VPS53: variants seen among roughly 807,000 people sequenced by gnomAD.
The protein encoded by VPS53 is VPS53 subunit of GARP complex, also known as vacuolar protein sorting-associated protein 53 homolog.
In VPS53, 70 loss-of-function variants were observed where a neutral mutation model predicts 107.0. The ratio of observed to expected loss-of-function variants is 0.65; its 90% CI spans 0.54 to 0.80. The LOEUF is 0.80. Among genes scored for constraint, VPS53 ranks in the 30% least tolerant of loss-of-function variants. The pLI, the probability that VPS53 is intolerant of heterozygous loss-of-function variation, is 0.00. For synonymous variants in VPS53, 409 were observed against 393.3 expected, an observed-to-expected ratio of 1.04 and a Z score of -0.47; for missense variants, 917 against 1,049.4, an observed-to-expected ratio of 0.87 and a Z score of 1.74.
intron 2 of VPS53, among the ~76,000 whole-genome samples, chr17:700,227 T>C (rs1973146370): frequency 6.6e-6 from 1 of 152,180 alleles, no homozygotes; most frequent in African/African-American, 2.4e-5. Flanking sequence ...CGTATTGCAA[T>C]ATGAAAAGAA....
intron 4 of VPS53, among the ~76,000 whole-genome samples, chr17:672,109 GACACACACACACACACACACACAC>G (rs10630363): frequency 1.8e-5 from 2 of 108,824 alleles, no homozygotes; most frequent in Admixed American, 1.1e-4. Context: ...TGATGAGGGT[GACACACACACACACACACACACAC>G]ACACACACAC....
intron 7 of VPS53, among the ~76,000 whole-genome samples, chr17:633,928 CT>C (rs1289169536): frequency 2.0e-5 from 3 of 152,250 alleles, no homozygotes; most frequent in African/African-American, 4.8e-5. Context: ...CAGGCCCCCC[CT>C]GTTCCTACCC....
At chr17:642,935 T>C (rs1392567734) in intron 7 of VPS53, among the ~76,000 whole-genome samples, 1 of 115,850 alleles carries the variant, frequency 8.6e-6, no homozygotes, top group African/African-American at 2.9e-5. Context: ...AGGACAACAC[T>C]CATACTTGGC....
Position 515,041 on chromosome 17 carries a change from G to GT in VPS53, c.*4086dup, listed in dbSNP as rs1483705683. ...GCCAGCTTTCAGACAAGTCCCCTCAGTAAGAGCAGAGTGAACTCTTTATTG... is the reference window on the plus strand; with the variant it reads ...GCCAGCTTTCAGACAAGTCCCCTCAGTTAAGAGCAGAGTGAACTCTTTATTG... On this transcript the variant is annotated 3_prime_UTR_variant, in exon 22 of 22. Transcript: ENST00000437048. 6.6e-6 allele frequency: 1 copy of GT among 152,184 alleles called. No homozygotes were observed. Among genetic ancestry groups the GT allele is most frequent in the Non-Finnish European group, 1.5e-5 (1 of 68,046 alleles). 9.4% of individuals were successfully genotyped at this position (152,184 alleles called of 1,614,324 possible).
intron 17 of VPS53, among the ~76,000 whole-genome samples, chr17:543,329 A>G (rs994653803): frequency 7.9e-5 from 12 of 152,236 alleles, no homozygotes; most frequent in African/African-American, 2.9e-4. Flanking sequence ...TTGGGGGATT[A>G]TAACGCAGCC....
chr17:557,855 C>CTTTTT (rs773408955), intron 15 of VPS53, among the ~76,000 whole-genome samples: 1 of 125,624 alleles, frequency 8.0e-6, no homozygotes, highest in Non-Finnish European at 1.7e-5. Context: ...TAAGGATTAT[C>CTTTTT]TTTTTTTTTT....
chr17:592,250 T>C (rs1967704451), intron 12 of VPS53, among the ~76,000 whole-genome samples: 1 of 152,224 alleles, frequency 6.6e-6, no homozygotes, highest in Non-Finnish European at 1.5e-5. Flanking sequence ...TGGTAGATCT[T>C]CCTCCATCCT....
intron 11 of VPS53, among the ~76,000 whole-genome samples, chr17:612,985 CAT>C (rs1428516924): frequency 6.8e-6 from 1 of 147,792 alleles, no homozygotes; most frequent in Non-Finnish European, 1.5e-5. Flanking sequence ...CAAATATTCA[CAT>C]AGTGAGTTCA....
At chr17:533,026 AG>A in intron 18 of VPS53, 115 bp from the exon 19 acceptor site, 2 of 1,472,878 alleles carry the variant, frequency 1.4e-6, no homozygotes, top group South Asian at 2.7e-5. Flanking sequence ...GAAGAATCGA[AG>A]TGGACTCCAC....
intron 7 of VPS53, among the ~76,000 whole-genome samples, chr17:634,393 C>T (rs2143209247): frequency 6.6e-6 from 1 of 152,068 alleles, no homozygotes; most frequent in African/African-American, 2.4e-5. Flanking sequence ...TTATGTACAC[C>T]TTATTTTTTT....
At chr17:569,764 CA>C (rs942892653) in intron 13 of VPS53, among the ~76,000 whole-genome samples, 1 of 151,488 alleles carries the variant, frequency 6.6e-6, no homozygotes, top group East Asian at 1.9e-4. Flanking sequence ...ACTAAAAATA[CA>C]AAAAAATTAG....
In VPS53 at chr17:520,074, C is replaced by G; in HGVS notation, c.2224-144G>C. ...TCAGGAAAACTCACTCCTCACTTGC[C>G]CGCCGAGCGCTAAATGGATTCTGAG... On this transcript the variant is annotated intron_variant, in intron 20 of 21. Transcript: ENST00000437048. The surrounding 1 kb of genome is among the most constrained non-coding windows in gnomAD (Gnocchi z 4.4). 1 of 625,490 alleles carries G rather than the reference C, an allele frequency of 1.6e-6. No homozygotes were observed. The highest frequency in any genetic ancestry group is 2.8e-6 in the Non-Finnish European group (1 of 352,158). The allele number at this position is 625,490 out of a possible 1,614,324, so 38.7% of individuals were successfully genotyped here. A position where few individuals can be genotyped will look rare whatever the true frequency, so the allele number is the denominator to read the frequency against.
chr17:541,728 AC>A (rs1910687632), intron 17 of VPS53, among the ~76,000 whole-genome samples: 1 of 150,126 alleles, frequency 6.7e-6, no homozygotes. Flanking sequence ...TTTATCAAGC[AC>A]CGACTACGCA....
intron 13 of VPS53, among the ~76,000 whole-genome samples, chr17:571,776 C>G (rs1431313720): frequency 6.7e-6 from 1 of 149,274 alleles, no homozygotes; most frequent in African/African-American, 2.5e-5. Flanking sequence ...AGCTCCTAAC[C>G]GCGAGTGATC....
At chr17:599,311 T>C (rs1313083969) in intron 12 of VPS53, among the ~76,000 whole-genome samples, 1,605 of 152,020 alleles carry the variant, frequency 0.011, 12 homozygotes, top group African/African-American at 0.035. Context: ...GAATAGAAAG[T>C]GGGGAAAGGT....
At chr17:533,108 G>T in intron 18 of VPS53, 197 bp from the exon 19 acceptor site, 3 of 959,282 alleles carry the variant, frequency 3.1e-6, no homozygotes, top group Non-Finnish European at 4.5e-6. Context: ...GCCCTGGCAG[G>T]CCCGGGAAAA....
chr17:529,259 C>G (rs949989219), intron 19 of VPS53, among the ~76,000 whole-genome samples: 4 of 152,186 alleles, frequency 2.6e-5, no homozygotes, highest in Non-Finnish European at 5.9e-5. Context: ...CCACACTGCT[C>G]TAATTACAAT....
chr17:544,586 C>A (rs1172806410), intron 17 of VPS53, among the ~76,000 whole-genome samples: 2 of 152,188 alleles, frequency 1.3e-5, no homozygotes, highest in Non-Finnish European at 2.9e-5. Flanking sequence ...GACCTTCCCA[C>A]CTTAGCCTCC....
At chr17:599,231 A>G (rs1423152423) in intron 12 of VPS53, among the ~76,000 whole-genome samples, 23 of 151,956 alleles carry the variant, frequency 1.5e-4, no homozygotes, top group African/African-American at 5.1e-4. Flanking sequence ...CTGCCCGGCC[A>G]CCACCCTGTC....
Sources: allele counts gnomAD v4.1 joint callset (sites outside exome capture counted in the v4.1 genomes callset), GRCh38; gene constraint gnomAD v4.1.1; non-coding constraint Gnocchi (gnomAD v3.1); transcripts MANE v1.5; gene names NCBI Gene and HGNC (gene_info 2026-07-23, HGNC 2026-07-21).